The following IDH2 variants were observed in gnomAD, a reference collection of about 807,000 sequenced individuals.
IDH2 encodes isocitrate dehydrogenase (NADP(+)) 2.
A neutral mutation model predicts 50.5 loss-of-function variants in IDH2; 18 were observed. That is an observed-to-expected ratio of 0.36 (90% confidence interval 0.25 to 0.53). IDH2 has a LOEUF of 0.53. Ranked by LOEUF, IDH2 falls within the 20% of genes least tolerant of loss-of-function variation. IDH2 has a pLI of 0.92. For missense variants in IDH2, 518 were observed against 610.7 expected, an observed-to-expected ratio of 0.85 and a Z score of 1.60; for synonymous variants, 280 against 239.8, an observed-to-expected ratio of 1.17 and a Z score of -1.55.
rs952872041 is a variant in IDH2, at chr15:90,085,147, G to A, written c.1081-49C>T. On this transcript the variant is annotated intron_variant, in intron 8 of 10. Transcript: ENST00000330062. This position sits in a 1 kb window ranked among gnomAD's most constrained non-coding sequence, Gnocchi z 5.5. ...ATCAAGAGCCGAGCCAGCTAGTGAG[G>A]AGGCTGCCCAGATACAGCTGCCCGC... 6 of 1,586,450 alleles carry A rather than the reference G, an allele frequency of 3.8e-6. No homozygotes were observed. The highest frequency in any genetic ancestry group is 5.2e-6 in the Non-Finnish European group (6 of 1,156,152).
chr15:90,088,832 C>T (rs962029880), intron 3 of IDH2, 85 bp from the exon 4 acceptor site: 40 of 1,454,150 alleles, frequency 2.8e-5, no homozygotes, highest in African/African-American at 2.7e-4. Context: ...CACAGCCAGA[C>T]GGGGGTCCTA....
intron 7 of IDH2, among the ~76,000 whole-genome samples, chr15:90,086,335 C>A (rs1316035257): frequency 2.6e-5 from 4 of 152,194 alleles, no homozygotes; most frequent in East Asian, 3.8e-4. Context: ...TTGTTCCCAA[C>A]ACAATTGGCC....
In IDH2 at chr15:90,085,229, C is replaced by G; in HGVS notation, c.1080+46G>C. On this transcript the variant is annotated intron_variant, in intron 8 of 10. Transcript: ENST00000330062. The surrounding 1 kb of genome is among the most constrained non-coding windows in gnomAD (Gnocchi z 5.5). The stretch of plus-strand genomic sequence containing the variant: ...AGCCCTCAGCCCAGTGGGCTTTAGG[C>G]CCCTGGGGTAGAGGGGCATTGTGAG... The G allele has an allele frequency of 1.3e-6, 2 of 1,531,226 alleles. No homozygotes were observed. The highest frequency in any genetic ancestry group is 1.8e-6 in the Non-Finnish European group (2 of 1,120,574). The allele number at this position is 1,531,226 out of a possible 1,614,324, so 94.9% of individuals were successfully genotyped here.
Position 90,087,125 on chromosome 15 carries a change from G to A in IDH2, c.954C>T (p.Asp318=). The change falls in exon 7 of 11, where the codon GAC becomes GAT. Residue 318 remains aspartate, a synonymous_variant. Transcript: ENST00000330062. ...CTCCCAGCGTACCCTGGGCCAGGAT[G>A]TCTGACTGCACATCTCCGTCATAGT... ...CKNYDGDVQS[D]ILAQGFGSLG... The A allele has an allele frequency of 6.2e-7, 1 of 1,614,190 alleles. No homozygotes were observed.
chr15:90,085,241 A>T lies in IDH2; in HGVS notation c.1080+34T>A, dbSNP rs1900827875. On this transcript the variant is annotated intron_variant, in intron 8 of 10. Transcript: ENST00000330062. This position sits in a 1 kb window ranked among gnomAD's most constrained non-coding sequence, Gnocchi z 5.5. ...AGTGGGCTTTAGGCCCCTGGGGTAG[A>T]GGGGCATTGTGAGGCCCCATGCCCT... 1 of 1,524,208 alleles carries T rather than the reference A, an allele frequency of 6.6e-7. No individual in the cohort carries two copies. The highest frequency in any genetic ancestry group is 9.0e-7 in the Non-Finnish European group (1 of 1,116,748). 94.4% of individuals were successfully genotyped at this position (1,524,208 alleles called of 1,614,324 possible).
At chr15:90,096,511 T>C (rs911817842) in intron 1 of IDH2, among the ~76,000 whole-genome samples, 2 of 151,264 alleles carry the variant, frequency 1.3e-5, no homozygotes, top group Admixed American at 1.3e-4. Context: ...AAACAGAAAA[T>C]AAAGTGCTAG....
At position 90,084,832 on chromosome 15, in the gene IDH2, T is replaced by C. The variant is rs1423721679; in HGVS notation, c.1255A>G (p.Ile419Val). 3.1e-6 allele frequency: 5 copies of C among 1,613,920 alleles called. No homozygotes were observed. The highest frequency in any genetic ancestry group is 1.6e-4 in the Middle Eastern group (1 of 6,062). Residue 419 changes from isoleucine (I) to valine (V), a missense_variant, in exon 10 of 11, where the codon ATT becomes GTT. Around this residue, in one of 5 missense-constraint regions of IDH2, gnomAD observed 135 missense variants for 167.6 expected, o/e 0.81. Coordinates refer to ENST00000330062, the MANE Select transcript of IDH2 (RefSeq NM_002168.4). The surrounding 1 kb of genome is among the most constrained non-coding windows in gnomAD (Gnocchi z 5.0). ...GCCACGCACTTGCTGAGGCCGTGAA[T>C]GCAGCCCGCCAGGTCCTTGGTCATG... ...GAMTKDLAGCIHGLSNVKLNE... is the reference protein window; with the variant it reads ...GAMTKDLAGCVHGLSNVKLNE...
At chr15:90,090,085 TTCCTCCTCC>T (rs61447158) in intron 3 of IDH2, among the ~76,000 whole-genome samples, 2 of 151,312 alleles carry the variant, frequency 1.3e-5, no homozygotes, top group East Asian at 1.9e-4. Flanking sequence ...CAGCATTACC[TTCCTCCTCC>T]TCCTCCTCCT....
intron 2 of IDH2, among the ~76,000 whole-genome samples, chr15:90,091,322 T>C (rs537872663): frequency 3.3e-5 from 5 of 152,366 alleles, no homozygotes; most frequent in Non-Finnish European, 7.3e-5. Context: ...GTGTGGGATC[T>C]GGCACCATCA....
chr15:90,097,927 C>T (rs1901224193), intron 1 of IDH2, among the ~76,000 whole-genome samples: 1 of 152,120 alleles, frequency 6.6e-6, no homozygotes, highest in Non-Finnish European at 1.5e-5. Context: ...CAAGGATGGG[C>T]TGGGCTGAAG....
chr15:90,089,284 A>G (rs1689989269), intron 3 of IDH2, among the ~76,000 whole-genome samples: 1 of 152,196 alleles, frequency 6.6e-6, no homozygotes, highest in African/African-American at 2.4e-5. Flanking sequence ...ATTACTGGAA[A>G]AATAACCAGC....
chr15:90,088,235 G>A (rs566381486), intron 5 of IDH2, 124 bp downstream of exon 5: 3 of 1,254,960 alleles, frequency 2.4e-6, no homozygotes, highest in African/African-American at 2.9e-5. Context: ...CCCAGCCCTG[G>A]TGGCCATTTC....
At chr15:90,087,043 C>G in intron 7 of IDH2, 69 bp downstream of exon 7, 2 of 1,562,226 alleles carry the variant, frequency 1.3e-6, no homozygotes, top group East Asian at 4.5e-5. Flanking sequence ...CCAAAAGGGT[C>G]TGAAAATCCC....
In IDH2 at chr15:90,085,362, C is replaced by A. The variant is rs61737002; in HGVS notation, c.993G>T (p.Thr331=). The stretch of plus-strand genomic sequence containing the variant: ...TCCCATCAGGGCAGACCAGGACGGA[C>A]GTCATCAGGCCAAGGGAGCCAAAGC... The part of the protein sequence containing the change: ...AQGFGSLGLM[T]SVLVCPDGKT... The change falls in exon 8 of 11, where the codon ACG becomes ACT. Residue 331 remains threonine, a synonymous_variant. Transcript: ENST00000330062. The surrounding 1 kb of genome is among the most constrained non-coding windows in gnomAD (Gnocchi z 5.5). 11 of 1,557,222 alleles carry A rather than the reference C, an allele frequency of 7.1e-6. No homozygotes were observed. The highest frequency in any genetic ancestry group is 9.6e-6 in the Non-Finnish European group (11 of 1,149,798).
rs767032049 is a variant in IDH2 at position 90,084,265 on chromosome 15, C to A, written c.*1G>T. 3.3e-5 allele frequency: 53 copies of A among 1,613,556 alleles called. No homozygotes were observed. The highest frequency in any genetic ancestry group is 1.7e-4 in the Middle Eastern group (1 of 5,936). The stretch of plus-strand genomic sequence containing the variant: ...ACTGCAGCCATGGGTGGCGCCTCCC[C>A]CTACTGCCTGCCCAGGGCTCTGTCC... On this transcript the variant is annotated 3_prime_UTR_variant, in exon 11 of 11. Transcript: ENST00000330062. The surrounding 1 kb of genome is among the most constrained non-coding windows in gnomAD (Gnocchi z 5.0).
chr15:90,102,114 C>T (rs1567261646), intron 1 of IDH2, among the ~76,000 whole-genome samples, 162 bp downstream of exon 1: 1 of 151,912 alleles, frequency 6.6e-6, no homozygotes, highest in Non-Finnish European at 1.5e-5. Context: ...AAGCGCCGGG[C>T]GGGGGAGCGC....
chr15:90,094,972 G>A (rs1306881490), intron 1 of IDH2, among the ~76,000 whole-genome samples: 1 of 152,086 alleles, frequency 6.6e-6, no homozygotes, highest in African/African-American at 2.4e-5. Flanking sequence ...CCTGTGAAAA[G>A]CAGGCCTAGA....
rs774212594 is a variant in IDH2, at chr15:90,090,576, A to G, written c.276T>C (p.Thr92=). The part of the protein sequence containing the change: ...FDLGLPNRDQ[T]DDQVTIDSAL... ...CAGAGTCAATGGTGACCTGGTCATC[A>G]GTCTGGTCACGGTTTGGGAGCCCGA... The change falls in exon 3 of 11, where the codon ACT becomes ACC. Residue 92 remains threonine (T), a synonymous_variant. Transcript: ENST00000330062. The G allele has an allele frequency of 2.4e-5, 39 of 1,614,016 alleles. 1 individual carries two copies. In the Admixed American group the frequency reaches 4.7e-4, roughly 19 times the overall value.
At position 90,087,479 on chromosome 15, in the gene IDH2, C is replaced by G. The variant is rs1339259178; in HGVS notation, c.775G>C (p.Asp259His). The change falls in exon 6 of 11, where the codon GAT becomes CAT. Residue 259 changes from aspartate (D) to histidine (H), a missense_variant. This residue lies in a region of IDH2 where 207 missense variants were observed against 208.6 expected (regional missense o/e 0.99). Coordinates refer to ENST00000330062, the MANE Select transcript of IDH2 (RefSeq NM_002168.4). ...STKNTILKAY[D>H]GRFKDIFQEI... ...TGGAAGATGTCCTTGAAACGCCCAT[C>G]GTAGGCTTTCAGTATGGTGTTCTTG... is the stretch of plus-strand genomic sequence containing the variant. 6.2e-7 allele frequency: 1 copy of G among 1,614,178 alleles called. No individual in the cohort carries two copies. The highest frequency in any genetic ancestry group is 1.1e-5 in the South Asian group (1 of 91,084).
Sources: gnomAD v4.1 joint callset for allele counts (sites outside exome capture counted in the v4.1 genomes callset) on GRCh38, gnomAD v4.1.1 for gene constraint, gnomAD v4.1.1 regional missense constraint, Gnocchi (gnomAD v3.1) non-coding constraint, MANE v1.5 for transcripts, NCBI Gene and HGNC (gene_info 2026-07-23, HGNC 2026-07-21) for gene names.